The following SLC18A3 variants were observed in gnomAD, a reference collection of about 807,000 sequenced individuals.
SLC18A3 encodes vesicular acetylcholine transporter.
Under a neutral mutation model 24.2 loss-of-function variants are expected in SLC18A3, and 18 were observed. The ratio of observed to expected loss-of-function variants is 0.74; its 90% CI spans 0.51 to 1.10. SLC18A3 has a LOEUF of 1.10. Among genes scored for constraint, SLC18A3 ranks in the 50% least tolerant of loss-of-function variants. SLC18A3 has a pLI of 0.00. For missense variants in SLC18A3, 744 were observed against 750.7 expected, an observed-to-expected ratio of 0.99 and a Z score of 0.10; for synonymous variants, 415 against 355.4, an observed-to-expected ratio of 1.17 and a Z score of -1.89.
rs1361179784 is a variant in SLC18A3 at position 49,611,725 on chromosome 10, A to G, written c.985A>G (p.Met329Val). The G allele has an allele frequency of 1.2e-6, 2 of 1,606,628 alleles. No homozygotes were observed. Among genetic ancestry groups the G allele is most frequent in the South Asian group, 2.2e-5 (2 of 91,088 alleles). Reference protein sequence around the residue: ...TMAASEWEMGMAWLPAFVPHV... With the variant: ...TMAASEWEMGVAWLPAFVPHV... Reference sequence around the variant, plus strand: ...GGCGGCTTCCGAGTGGGAGATGGGCATGGCCTGGCTGCCGGCCTTCGTGCC... The same window carrying G: ...GGCGGCTTCCGAGTGGGAGATGGGCGTGGCCTGGCTGCCGGCCTTCGTGCC... The change falls in exon 1 of 1, where the codon ATG becomes GTG. Residue 329 changes from methionine (M) to valine (V), a missense_variant. Physicochemically the swap from Met to Val is conservative, Grantham distance 21. This residue lies in a region of SLC18A3 where 566 missense variants were observed against 566.2 expected (regional missense o/e 1.00). Coordinates refer to ENST00000374115, the MANE Select transcript of SLC18A3 (RefSeq NM_003055.3).
Position 49,611,221 on chromosome 10 carries a change from G to A in SLC18A3, c.481G>A (p.Val161Ile), listed in dbSNP as rs1336545964. The change falls in exon 1 of 1, where the codon GTC (valine) becomes ATC (isoleucine). Residue 161 changes from valine to isoleucine, a missense_variant. By Grantham distance (29) the Val-to-Ile change is conservative. This residue lies in a region of SLC18A3 where 566 missense variants were observed against 566.2 expected (regional missense o/e 1.00). Transcript: ENST00000374115. ...CGTGCCGCTGCTGATCGGCCTGGGC[G>A]TCATGTTCGCCTCTACAGTCCTGTT... ...YDVPLLIGLG[V>I]MFASTVLFAF... The A allele has an allele frequency of 6.2e-7, 1 of 1,613,948 alleles. No individual in the cohort carries two copies. The highest frequency in any genetic ancestry group is 8.5e-7 in the Non-Finnish European group (1 of 1,180,008).
In SLC18A3 at chr10:49,612,506, C is replaced by A. The variant is rs577763644; in HGVS notation, c.*167C>A. The A allele has an allele frequency of 1.2e-4, 84 of 674,526 alleles. No homozygotes were observed. In the East Asian group the frequency reaches 1.7e-3, roughly 14 times the overall value. The allele number at this position is 674,526 out of a possible 1,614,324, so 41.8% of individuals were successfully genotyped here. A position where few individuals can be genotyped will look rare whatever the true frequency, so the allele number is the denominator to read the frequency against. On this transcript the variant is annotated 3_prime_UTR_variant, in exon 1 of 1. Transcript: ENST00000374115. ...CCCCTCCCTGTGACCCGTTCCATAT[C>A]CCTTTCTCTCTTGTCCAATGGGGCT...
At position 49,610,518 on chromosome 10, in the gene SLC18A3, C is replaced by G. The variant is rs1838260842; in HGVS notation, c.-223C>G. The G allele has an allele frequency of 2.2e-6, 1 of 450,796 alleles. No individual in the cohort carries two copies. The allele number at this position is 450,796 out of a possible 1,614,324, so 27.9% of individuals were successfully genotyped here. ...CCCGGCCGCCCCTGAGCCCAGCAGC[C>G]GCGGGTCCCGGGATCGGCTAAGAGT... is the stretch of plus-strand genomic sequence containing the variant. On this transcript the variant is annotated 5_prime_UTR_variant, in exon 1 of 1. Coordinates refer to ENST00000374115, the MANE Select transcript of SLC18A3 (RefSeq NM_003055.3).
Position 49,611,415 on chromosome 10 carries a change from C to G in SLC18A3, c.675C>G (p.Ser225Arg). 2 of 1,597,798 alleles carry G rather than the reference C, an allele frequency of 1.3e-6. No individual in the cohort carries two copies. The highest frequency in any genetic ancestry group is 1.7e-6 in the Non-Finnish European group (2 of 1,179,070). Residue 225 changes from serine to arginine, a missense_variant, in exon 1 of 1, where the codon AGC becomes AGG. Ser to Arg is a moderately radical substitution (Grantham distance 110). Coordinates refer to ENST00000374115, the MANE Select transcript of SLC18A3 (RefSeq NM_003055.3). Reference sequence around the variant, plus strand: ...CGCTGGCCTTCATTAGCTTCGGAAGCCTAGTGGCCCCGCCCTTCGGGGGCA... The same window carrying G: ...CGCTGGCCTTCATTAGCTTCGGAAGGCTAGTGGCCCCGCCCTTCGGGGGCA... ...GVALAFISFG[S>R]LVAPPFGGIL...
chr10:49,610,666 C>G lies in SLC18A3; in HGVS notation c.-75C>G. 2.9e-6 allele frequency: 4 copies of G among 1,394,184 alleles called. No homozygotes were observed. The highest frequency in any genetic ancestry group is 3.7e-6 in the Non-Finnish European group (4 of 1,068,836). The allele number at this position is 1,394,184 out of a possible 1,614,324, so 86.4% of individuals were successfully genotyped here. A position where few individuals can be genotyped will look rare whatever the true frequency, so the allele number is the denominator to read the frequency against. The stretch of plus-strand genomic sequence containing the variant: ...GGACAGCCTCCCCGAAGTCCCGTGC[C>G]CTCGCCTCTGCACTGCGGGACGCCA... On this transcript the variant is annotated 5_prime_UTR_variant, in exon 1 of 1. Transcript: ENST00000374115.
At position 49,612,187 on chromosome 10, in the gene SLC18A3, G is replaced by T. The variant is rs1378497250; in HGVS notation, c.1447G>T (p.Asp483Tyr). The stretch of plus-strand genomic sequence containing the variant: ...CCTGACGCGCTCCCGTTCCGAGCGC[G>T]ATGTGCTGCTTGATGAGCCACCGCA... The part of the protein sequence containing the change: ...GLLTRSRSER[D>Y]VLLDEPPQGL... Residue 483 changes from aspartate to tyrosine, a missense_variant, in exon 1 of 1, where the codon GAT (aspartate) becomes TAT (tyrosine). Physicochemically the swap from Asp to Tyr is radical, Grantham distance 160 (BLOSUM62 -3). Transcript: ENST00000374115. 1.9e-6 allele frequency: 3 copies of T among 1,609,628 alleles called. No individual in the cohort carries two copies. Among genetic ancestry groups the T allele is most frequent in the Non-Finnish European group, 2.5e-6 (3 of 1,179,992 alleles).
In SLC18A3 at chr10:49,610,776, G is replaced by A. The variant is rs759990429; in HGVS notation, c.36G>A (p.Ala12=). The change falls in exon 1 of 1, where the codon GCG becomes GCA. Residue 12 remains alanine, a synonymous_variant. Coordinates refer to ENST00000374115, the MANE Select transcript of SLC18A3 (RefSeq NM_003055.3). The part of the protein sequence containing the change: ...ESAEPAGQAR[A]AATKLSEAVG... ...CGGAACCTGCGGGCCAGGCCCGGGCGGCGGCCACCAAGCTGTCGGAGGCTG... is the reference window on the plus strand; with the variant it reads ...CGGAACCTGCGGGCCAGGCCCGGGCAGCGGCCACCAAGCTGTCGGAGGCTG... 1 of 1,564,226 alleles carries A rather than the reference G, an allele frequency of 6.4e-7. No homozygotes were observed. Among genetic ancestry groups the A allele is most frequent in the Non-Finnish European group, 8.6e-7 (1 of 1,156,888 alleles).
chr10:49,611,637 CA>C lies in SLC18A3; in HGVS notation c.898del (p.Thr300ProfsTer17). On this transcript the variant is annotated frameshift_variant, in exon 1 of 1. Transcript: ENST00000374115. LOFTEE classifies it high-confidence loss of function. ...TTGCCGTGGTGGCCGGCGCGCTCAC[CA>C]CCTGTAACATTCCCCTCGCCTTCCT... ...YIAVVAGALT[T>X]CNIPLAFLEP... The C allele has an allele frequency of 6.2e-7, 1 of 1,612,068 alleles. No homozygotes were observed. The highest frequency in any genetic ancestry group is 8.5e-7 in the Non-Finnish European group (1 of 1,180,002).
chr10:49,610,568 G>GTCCTT lies in SLC18A3; in HGVS notation c.-164_-160dup. Reference sequence around the variant, plus strand: ...TAGCTGCAACGCCTCGCCGGACGGAGTCCTTTCCTTTCCCGGGACGCTGGG... The same window carrying GTCCTT: ...TAGCTGCAACGCCTCGCCGGACGGAGTCCTTTCCTTTCCTTTCCCGGGACGCTGGG... On this transcript the variant is annotated 5_prime_UTR_variant, in exon 1 of 1. Coordinates refer to ENST00000374115, the MANE Select transcript of SLC18A3 (RefSeq NM_003055.3). The GTCCTT allele has an allele frequency of 1.7e-6, 1 of 585,598 alleles. No individual in the cohort carries two copies. The highest frequency in any genetic ancestry group is 3.2e-5 in the East Asian group (1 of 30,846). 36.3% of individuals were successfully genotyped at this position (585,598 alleles called of 1,614,324 possible). A position where few individuals can be genotyped will look rare whatever the true frequency, so the allele number is the denominator to read the frequency against.
chr10:49,612,069 G>A lies in SLC18A3; in HGVS notation c.1329G>A (p.Val443=), dbSNP rs2132688687. Residue 443 remains valine (V), a synonymous_variant, in exon 1 of 1, where the codon GTG becomes GTA. Transcript: ENST00000374115. ...ALGPIVAGHI[V]HSLGFEQLSL... ...GGCCCATAGTGGCAGGCCACATTGT[G>A]CACTCGCTGGGCTTTGAGCAGCTCA... is the stretch of plus-strand genomic sequence containing the variant. 3 of 1,613,538 alleles carry A rather than the reference G, an allele frequency of 1.9e-6. No individual in the cohort carries two copies. Among genetic ancestry groups the A allele is most frequent in the Non-Finnish European group, 2.5e-6 (3 of 1,179,954 alleles).
Position 49,610,861 on chromosome 10 carries a change from G to T in SLC18A3, c.121G>T (p.Val41Leu), listed in dbSNP as rs779098008. The T allele has an allele frequency of 5.0e-6, 8 of 1,612,900 alleles. No individual in the cohort carries two copies. The highest frequency in any genetic ancestry group is 1.6e-4 in the Middle Eastern group (1 of 6,062). The change falls in exon 1 of 1, where the codon GTG becomes TTG. Residue 41 changes from valine (V) to leucine (L), a missense_variant. Around this residue, in one of 3 missense-constraint regions of SLC18A3, gnomAD observed 566 missense variants for 566.2 expected, o/e 1.00. Coordinates refer to ENST00000374115, the MANE Select transcript of SLC18A3 (RefSeq NM_003055.3). ...QRRLVLVIVC[V>L]ALLLDNMLYM... ...GCGCCTGGTGCTTGTTATCGTGTGC[G>T]TGGCGCTGTTACTGGACAACATGCT...
Position 49,610,773 on chromosome 10 carries a change from G to A in SLC18A3, c.33G>A (p.Arg11=). The A allele has an allele frequency of 6.4e-7, 1 of 1,561,612 alleles. No homozygotes were observed. The highest frequency in any genetic ancestry group is 8.7e-7 in the Non-Finnish European group (1 of 1,155,522). MESAEPAGQA[R]AAATKLSEAV... ...CCGCGGAACCTGCGGGCCAGGCCCG[G>A]GCGGCGGCCACCAAGCTGTCGGAGG... Residue 11 remains arginine, a synonymous_variant, in exon 1 of 1, where the codon CGG becomes CGA. Coordinates refer to ENST00000374115, the MANE Select transcript of SLC18A3 (RefSeq NM_003055.3).
At position 49,611,786 on chromosome 10, in the gene SLC18A3, C is replaced by A; in HGVS notation, c.1046C>A (p.Ala349Glu). 6.2e-7 allele frequency: 1 copy of A among 1,602,910 alleles called. No homozygotes were observed. The highest frequency in any genetic ancestry group is 1.1e-5 in the South Asian group (1 of 91,060). ...VLGVYLTVRL[A>E]ARYPHLQWLY... is the part of the protein sequence containing the mutation. Reference sequence around the variant, plus strand: ...GGCGTCTACCTCACCGTGCGCCTGGCGGCGCGCTACCCACACCTGCAGTGG... The same window carrying A: ...GGCGTCTACCTCACCGTGCGCCTGGAGGCGCGCTACCCACACCTGCAGTGG... Residue 349 changes from alanine to glutamate, a missense_variant, in exon 1 of 1, where the codon GCG becomes GAG. Physicochemically the swap from Ala to Glu is moderately radical, Grantham distance 107. This residue lies in a region of SLC18A3 where 566 missense variants were observed against 566.2 expected (regional missense o/e 1.00). Transcript: ENST00000374115.
At position 49,611,297 on chromosome 10, in the gene SLC18A3, G is replaced by C. The variant is rs1057517665; in HGVS notation, c.557G>C (p.Gly186Ala). The change falls in exon 1 of 1, where the codon GGC (glycine) becomes GCC (alanine). Residue 186 changes from glycine (G) to alanine (A), a missense_variant. Coordinates refer to ENST00000374115, the MANE Select transcript of SLC18A3 (RefSeq NM_003055.3). ...ATLFAARSLQ[G>A]LGSAFADTSG... Reference sequence around the variant, plus strand: ...CTGTTCGCGGCGCGCAGCCTGCAGGGCCTGGGCTCAGCCTTCGCCGACACG... The same window carrying C: ...CTGTTCGCGGCGCGCAGCCTGCAGGCCCTGGGCTCAGCCTTCGCCGACACG... The C allele has an allele frequency of 6.2e-7, 1 of 1,608,502 alleles. No individual in the cohort carries two copies. Among genetic ancestry groups the C allele is most frequent in the South Asian group, 1.1e-5 (1 of 91,078 alleles).
Position 49,611,826 on chromosome 10 carries a change from T to C in SLC18A3, c.1086T>C (p.Leu362=). The C allele has an allele frequency of 6.2e-7, 1 of 1,604,098 alleles. No homozygotes were observed. Among genetic ancestry groups the C allele is most frequent in the Non-Finnish European group, 8.5e-7 (1 of 1,179,732 alleles). ...YPHLQWLYGA[L]GLAVIGASSC... ...ACCTGCAGTGGCTGTACGGCGCGCT[T>C]GGGCTGGCTGTGATCGGCGCCAGCT... is the stretch of plus-strand genomic sequence containing the variant. Residue 362 remains leucine (L), a synonymous_variant, in exon 1 of 1, where the codon CTT becomes CTC. Coordinates refer to ENST00000374115, the MANE Select transcript of SLC18A3 (RefSeq NM_003055.3).
At position 49,611,607 on chromosome 10, in the gene SLC18A3, C is replaced by T. The variant is rs752094202; in HGVS notation, c.867C>T (p.Pro289=). The T allele has an allele frequency of 6.8e-6, 11 of 1,611,156 alleles. No individual in the cohort carries two copies. The Middle Eastern group carries it at 1.2e-3, about 169-fold the overall frequency. The change falls in exon 1 of 1, where the codon CCC becomes CCT. Residue 289 remains proline, a synonymous_variant. Transcript: ENST00000374115. ...GTPIHRLMLD[P]YIAVVAGALT... Reference sequence around the variant, plus strand: ...CCATCCACCGCCTCATGCTAGACCCCTACATTGCCGTGGTGGCCGGCGCGC... The same window carrying T: ...CCATCCACCGCCTCATGCTAGACCCTTACATTGCCGTGGTGGCCGGCGCGC...
rs1417851428 is a variant in SLC18A3, at chr10:49,612,385, G to C, written c.*46G>C. The C allele has an allele frequency of 3.9e-6, 6 of 1,531,050 alleles. No homozygotes were observed. The African/African-American group carries it at 5.5e-5, about 14-fold the overall frequency. 94.8% of individuals were successfully genotyped at this position (1,531,050 alleles called of 1,614,324 possible). A position where few individuals can be genotyped will look rare whatever the true frequency, so the allele number is the denominator to read the frequency against. On this transcript the variant is annotated 3_prime_UTR_variant, in exon 1 of 1. Transcript: ENST00000374115. The stretch of plus-strand genomic sequence containing the variant: ...CCCACCCAACCGCCTTGGGTCAAGG[G>C]GGCTGCTCTGCAAGCCCACTGGCCA...
rs8187728 is a variant in SLC18A3 at position 49,611,655 on chromosome 10, C to T, written c.915C>T (p.Leu305=). The T allele has an allele frequency of 5.0e-6, 8 of 1,611,840 alleles. No homozygotes were observed. The African/African-American group carries it at 8.0e-5, about 16-fold the overall frequency. The change falls in exon 1 of 1, where the codon CTC becomes CTT. Residue 305 remains leucine, a synonymous_variant. Transcript: ENST00000374115. ...AGALTTCNIP[L]AFLEPTIATW... ...CGCTCACCACCTGTAACATTCCCCT[C>T]GCCTTCCTCGAACCCACCATTGCCA...
rs552847289 is a variant in SLC18A3 at position 49,610,973 on chromosome 10, G to T, written c.233G>T (p.Trp78Leu). 1 of 1,611,568 alleles carries T rather than the reference G, an allele frequency of 6.2e-7. No individual in the cohort carries two copies. Among genetic ancestry groups the T allele is most frequent in the African/African-American group, 1.3e-5 (1 of 75,002 alleles). The change falls in exon 1 of 1, where the codon TGG becomes TTG. Residue 78 changes from tryptophan to leucine, a missense_variant. Around this residue, in one of 3 missense-constraint regions of SLC18A3, gnomAD observed 566 missense variants for 566.2 expected, o/e 1.00. Coordinates refer to ENST00000374115, the MANE Select transcript of SLC18A3 (RefSeq NM_003055.3). The stretch of plus-strand genomic sequence containing the variant: ...GGCCCCACCCGGACTCCCGAGGTGT[G>T]GGAGCCCACCCTGCCGCTGCCCACT... ...GEGPTRTPEVWEPTLPLPTPA... is the reference protein window; with the variant it reads ...GEGPTRTPEVLEPTLPLPTPA...
Sources: allele counts gnomAD v4.1 joint callset, GRCh38; gene constraint gnomAD v4.1.1; regional missense constraint gnomAD v4.1.1; transcripts MANE v1.5; gene names NCBI Gene and HGNC (gene_info 2026-07-23, HGNC 2026-07-21).